Variants in ST6GALNAC3 observed in about 807,000 individuals in gnomAD.
The protein encoded by ST6GALNAC3 is alpha-N-acetylgalactosaminide alpha-2,6-sialyltransferase 3.
Under a neutral mutation model 32.7 loss-of-function variants are expected in ST6GALNAC3, and 25 were observed. The observed-to-expected ratio is 0.76, with a 90% CI of 0.56 to 1.07. The LOEUF is 1.07. Among genes scored for constraint, ST6GALNAC3 ranks in the 50% least tolerant of loss-of-function variants. The pLI is 0.00. For missense variants in ST6GALNAC3, 355 were observed against 382.4 expected (o/e 0.93, Z 0.60); for synonymous variants, 129 against 133.1 (o/e 0.97, Z 0.21).
At chr1:76,519,849 CA>C (rs1413035897) in intron 3 of ST6GALNAC3, among the ~76,000 whole-genome samples, 3 of 151,360 alleles carry the variant, frequency 2.0e-5, no homozygotes, top group African/African-American at 7.3e-5. Flanking sequence ...TTGCTTTTAT[CA>C]TAAATATTTA....
chr1:76,292,408 G>A (rs1364899982), intron 1 of ST6GALNAC3, among the ~76,000 whole-genome samples: 1 of 152,174 alleles, frequency 6.6e-6, no homozygotes, highest in Non-Finnish European at 1.5e-5. Flanking sequence ...GCAGAGCAGT[G>A]AGCAGGATGT....
At chr1:76,231,368 CAT>C (rs888483754) in intron 1 of ST6GALNAC3, among the ~76,000 whole-genome samples, 11 of 152,080 alleles carry the variant, frequency 7.2e-5, no homozygotes, top group African/African-American at 2.4e-4. Context: ...TAAAATTTAC[CAT>C]GTTAACTATT....
chr1:76,284,526 T>C (rs1220527599), intron 1 of ST6GALNAC3, among the ~76,000 whole-genome samples: 1 of 152,188 alleles, frequency 6.6e-6, no homozygotes, highest in Non-Finnish European at 1.5e-5. Context: ...ATATACTGGC[T>C]TCCTGGGATT....
At chr1:76,123,315 G>T (rs529639350) in intron 1 of ST6GALNAC3, among the ~76,000 whole-genome samples, 1 of 150,040 alleles carries the variant, frequency 6.7e-6, no homozygotes, top group Non-Finnish European at 1.5e-5. Context: ...GGAGGCAGAG[G>T]TTGCACTGAG....
At chr1:76,343,115 T>C (rs1648197876) in intron 2 of ST6GALNAC3, among the ~76,000 whole-genome samples, 1 of 152,202 alleles carries the variant, frequency 6.6e-6, no homozygotes, top group Non-Finnish European at 1.5e-5. Flanking sequence ...TTGTTGCATT[T>C]GCTTTGGGGA....
chr1:76,279,259 C>G (rs1249395685), intron 1 of ST6GALNAC3, among the ~76,000 whole-genome samples: 3 of 152,200 alleles, frequency 2.0e-5, no homozygotes, highest in Non-Finnish European at 4.4e-5. Context: ...TGATGGAAAA[C>G]TTTGATAACA....
intron 1 of ST6GALNAC3, among the ~76,000 whole-genome samples, chr1:76,147,981 C>G (rs1302390977): frequency 6.6e-6 from 1 of 152,166 alleles, no homozygotes; most frequent in African/African-American, 2.4e-5. Context: ...ACCTGTTTTA[C>G]CAGTCAGTTA....
rs558798918 is a variant in ST6GALNAC3, at chr1:76,351,443, A to AT, written c.213+37451dup. 4.5e-4 allele frequency among the ~76,000 whole-genome samples: 68 copies of AT among 152,108 alleles called. 1 individual carries two copies. Among genetic ancestry groups the AT allele is most frequent in the South Asian group, 3.1e-3 (15 of 4,820 alleles). ...AATTCTCTTTTTATCTAAATTTTCA[A>AT]TTTTTTTAGTATAAAGACTATATGG... On this transcript the variant is annotated intron_variant, in intron 2 of 4. Transcript: ENST00000328299.
chr1:76,462,083 A>G (rs1301843918), intron 3 of ST6GALNAC3, among the ~76,000 whole-genome samples: 1 of 152,074 alleles, frequency 6.6e-6, no homozygotes, highest in African/African-American at 2.4e-5. Flanking sequence ...AGCTGTTGTC[A>G]TCGATATGGC....
intron 3 of ST6GALNAC3, among the ~76,000 whole-genome samples, chr1:76,521,885 A>G (rs946480660): frequency 3.9e-5 from 6 of 152,084 alleles, no homozygotes; most frequent in Non-Finnish European, 7.4e-5. Flanking sequence ...CCTGGGCAAC[A>G]CGGTGAAACC....
At chr1:76,257,074 A>G (rs986535901) in intron 1 of ST6GALNAC3, among the ~76,000 whole-genome samples, 15 of 152,304 alleles carry the variant, frequency 9.8e-5, no homozygotes, top group Middle Eastern at 3.4e-3. Context: ...TGTTACAAGT[A>G]TAGAACCATT....
At chr1:76,444,649 C>T (rs1656844309) in intron 3 of ST6GALNAC3, among the ~76,000 whole-genome samples, 1 of 152,182 alleles carries the variant, frequency 6.6e-6, no homozygotes, top group Admixed American at 6.5e-5. Context: ...TGTCTGGACT[C>T]TGGTAGGGAG....
intron 1 of ST6GALNAC3, among the ~76,000 whole-genome samples, chr1:76,104,362 T>C (rs1458844271): frequency 2.0e-5 from 3 of 152,202 alleles, no homozygotes; most frequent in African/African-American, 7.2e-5. Flanking sequence ...TGAGATGGCT[T>C]GAAGATGATC....
intron 1 of ST6GALNAC3, among the ~76,000 whole-genome samples, chr1:76,285,538 A>T: frequency 6.6e-6 from 1 of 152,324 alleles, no homozygotes; most frequent in Non-Finnish European, 1.5e-5. Context: ...AATGAATCTA[A>T]TAAAAATAAT....
intron 3 of ST6GALNAC3, among the ~76,000 whole-genome samples, chr1:76,546,499 G>T (rs1664306673): frequency 6.6e-6 from 1 of 152,174 alleles, no homozygotes; most frequent in Non-Finnish European, 1.5e-5. Flanking sequence ...ATTCTAATTT[G>T]GAAAGTATCT....
At chr1:76,533,073 G>A (rs1311115258) in intron 3 of ST6GALNAC3, among the ~76,000 whole-genome samples, 26 of 152,124 alleles carry the variant, frequency 1.7e-4, no homozygotes, top group Non-Finnish European at 1.5e-5. Context: ...AGAATGTGCT[G>A]TGTACCAGTG....
intron 3 of ST6GALNAC3, among the ~76,000 whole-genome samples, chr1:76,478,918 A>G (rs1407791061): frequency 4.6e-5 from 7 of 151,622 alleles, no homozygotes; most frequent in East Asian, 3.9e-4. Context: ...GCCCGCCACC[A>G]CGCCCGGCTA....
intron 2 of ST6GALNAC3, among the ~76,000 whole-genome samples, chr1:76,356,984 G>A (rs985756385): frequency 6.6e-6 from 1 of 152,002 alleles, no homozygotes; most frequent in Non-Finnish European, 1.5e-5. Context: ...AGAAATTCCA[G>A]GGGCCACAGT....
intron 1 of ST6GALNAC3, chr1:76,307,896 T>C (rs1418421884): frequency 1.9e-6 from 1 of 516,432 alleles, no homozygotes. Flanking sequence ...AATAGGTATT[T>C]CTCCTATGAA....
Sources: gnomAD v4.1 joint callset for allele counts (sites outside exome capture counted in the v4.1 genomes callset) on GRCh38, gnomAD v4.1.1 for gene constraint, MANE v1.5 for transcripts, NCBI Gene and HGNC (gene_info 2026-07-23, HGNC 2026-07-21) for gene names.